Variants in UROS observed in about 807,000 individuals in gnomAD.
UROS encodes the protein uroporphyrinogen-III synthase.
UROS carries 18 observed loss-of-function variants against 33.0 expected under a neutral mutation model. That is an observed-to-expected ratio of 0.55 (90% CI 0.38 to 0.81). The LOEUF (loss-of-function observed/expected upper bound fraction) is 0.81, where lower values mean the gene tolerates loss of function less well. UROS is among the 30% of genes least tolerant of loss of function. UROS has a pLI of 0.00. For missense variants in UROS, 293 were observed against 314.9 expected (o/e 0.93, Z 0.53); for synonymous variants, 114 against 121.1 (o/e 0.94, Z 0.38).
intron 6 of UROS, chr10:125,802,134 C>T (rs2133867477): frequency 3.0e-6 from 3 of 985,446 alleles, no homozygotes; most frequent in Non-Finnish European, 3.6e-6. Flanking sequence ...GATGATGACT[C>T]TCTAGAAACA....
chr10:125,796,212 A>G (rs1346756227), intron 7 of UROS, 24 bp from the exon 8 acceptor site: 2 of 1,612,844 alleles, frequency 1.2e-6, no homozygotes, highest in Non-Finnish European at 8.5e-7. Flanking sequence ...AAAGCAGGAA[A>G]GACTTTACCG....
At position 125,788,752 on chromosome 10, in the gene UROS, G is replaced by C. The variant is rs1246025347; in HGVS notation, c.*116C>G. 6.8e-7 allele frequency: 1 copy of C among 1,464,388 alleles called. No individual in the cohort carries two copies. The highest frequency in any genetic ancestry group is 2.4e-5 in the Admixed American group (1 of 41,134). 90.7% of individuals were successfully genotyped at this position (1,464,388 alleles called of 1,614,324 possible). A position where few individuals can be genotyped will look rare whatever the true frequency, so the allele number is the denominator to read the frequency against. The stretch of plus-strand genomic sequence containing the variant: ...CCCGGTCCTCAGGTGCTTCCACTCA[G>C]GCTTGAGGCAGGAGTCTGACGGCAG... On this transcript the variant is annotated 3_prime_UTR_variant, in exon 10 of 10. Coordinates refer to ENST00000368797, the MANE Select transcript of UROS (RefSeq NM_000375.3).
At chr10:125,791,705 GAGTC>G (rs1395128860) in intron 9 of UROS, 1 of 152,148 alleles carries the variant, frequency 6.6e-6, no homozygotes, top group Admixed American at 6.5e-5. Context: ...CTAGTGAAAA[GAGTC>G]AGTTACAAAA....
intron 6 of UROS, among the ~76,000 whole-genome samples, chr10:125,805,355 C>T (rs1390151003): frequency 2.0e-5 from 3 of 152,166 alleles, no homozygotes; most frequent in East Asian, 1.9e-4. Context: ...GAGAGCAGGT[C>T]GGCATGGAGC....
chr10:125,813,806 T>G (rs1853039833), intron 4 of UROS, among the ~76,000 whole-genome samples: 1 of 152,240 alleles, frequency 6.6e-6, no homozygotes, highest in Non-Finnish European at 1.5e-5. Flanking sequence ...GTTCTCACGC[T>G]TTCTTTTCAA....
Position 125,816,505 on chromosome 10 carries a change from C to T in UROS, c.-6G>A. Reference sequence around the variant, plus strand: ...TTCAGTAAAAGAACCTTCATTATTGCCTGGCAGTCCTTATAGGGCACTGCG... The same window carrying T: ...TTCAGTAAAAGAACCTTCATTATTGTCTGGCAGTCCTTATAGGGCACTGCG... On this transcript the variant is annotated 5_prime_UTR_variant, in exon 2 of 10. Transcript: ENST00000368797. 3.1e-6 allele frequency: 5 copies of T among 1,614,152 alleles called. No homozygotes were observed. Among genetic ancestry groups the T allele is most frequent in the Non-Finnish European group, 4.2e-6 (5 of 1,180,026 alleles).
chr10:125,798,039 G>C, intron 7 of UROS, 26 bp downstream of exon 7: 1 of 1,612,962 alleles, frequency 6.2e-7, no homozygotes, highest in Non-Finnish European at 8.5e-7. Flanking sequence ...AAGTGGTAAG[G>C]GATGCAGTCA....
intron 5 of UROS, among the ~76,000 whole-genome samples, chr10:125,808,593 GC>G (rs1852537024): frequency 6.6e-6 from 1 of 152,210 alleles, no homozygotes; most frequent in African/African-American, 2.4e-5. Context: ...ACATAAATAT[GC>G]ATTTTTCCCA....
chr10:125,804,428 C>T (rs1050334364), intron 6 of UROS, among the ~76,000 whole-genome samples: 4 of 152,168 alleles, frequency 2.6e-5, no homozygotes, highest in Admixed American at 6.5e-5. Context: ...CTTGTTATCT[C>T]CTTTATAAAA....
intron 9 of UROS, among the ~76,000 whole-genome samples, chr10:125,791,250 C>T (rs1564771768): frequency 6.6e-6 from 1 of 152,112 alleles, no homozygotes. Context: ...ATGCTCAACA[C>T]TGTTAGTCAT....
intron 6 of UROS, among the ~76,000 whole-genome samples, chr10:125,803,934 A>G (rs1257030932): frequency 6.6e-6 from 1 of 152,250 alleles, no homozygotes; most frequent in Non-Finnish European, 1.5e-5. Flanking sequence ...ACTTTCCTGA[A>G]GACCTCTGCC....
intron 3 of UROS, among the ~76,000 whole-genome samples, 165 bp from the exon 4 acceptor site, chr10:125,815,295 CTATT>C (rs1853213377): frequency 6.6e-6 from 1 of 152,200 alleles, no homozygotes; most frequent in South Asian, 2.1e-4. Flanking sequence ...GTGCCTGGAA[CTATT>C]TATTCTAGGA....
At chr10:125,809,698 A>G (rs995907590) in intron 5 of UROS, among the ~76,000 whole-genome samples, 10 of 152,172 alleles carry the variant, frequency 6.6e-5, no homozygotes, top group African/African-American at 2.4e-4. Context: ...GACTTTCTGT[A>G]TAATGTTACA....
intron 6 of UROS, among the ~76,000 whole-genome samples, chr10:125,799,546 C>T (rs1486285366): frequency 1.3e-5 from 2 of 152,186 alleles, no homozygotes; most frequent in African/African-American, 4.8e-5. Flanking sequence ...GGAATCTTCC[C>T]TTGGCAGCAC....
At chr10:125,790,010 T>G (rs945317770) in intron 9 of UROS, among the ~76,000 whole-genome samples, 2 of 152,206 alleles carry the variant, frequency 1.3e-5, no homozygotes, top group African/African-American at 4.8e-5. Flanking sequence ...GCACTCCGCT[T>G]CATCCTCCCT....
Position 125,810,805 on chromosome 10 carries a change from A to G in UROS, c.319+1409T>C, listed in dbSNP as rs188283781. On this transcript the variant is annotated intron_variant, in intron 5 of 9. Coordinates refer to ENST00000368797, the MANE Select transcript of UROS (RefSeq NM_000375.3). ...TATTATATCTGAAAAGGTGAGCTAAAATAGAATGTTCAAAGTTGGGTGATT... is the reference window on the plus strand; with the variant it reads ...TATTATATCTGAAAAGGTGAGCTAAGATAGAATGTTCAAAGTTGGGTGATT... Among the ~76,000 whole-genome samples, 8 of 152,362 alleles carry G rather than the reference A, an allele frequency of 5.3e-5. No homozygotes were observed. The East Asian group carries it at 1.5e-3, about 29-fold the overall frequency.
intron 1 of UROS, among the ~76,000 whole-genome samples, chr10:125,817,350 G>C (rs1040633952): frequency 6.7e-6 from 1 of 149,518 alleles, no homozygotes; most frequent in African/African-American, 2.5e-5. Context: ...TTACAGGAGT[G>C]AGCCACTGCA....
chr10:125,797,364 T>C (rs1235013743), intron 7 of UROS, among the ~76,000 whole-genome samples: 4 of 152,200 alleles, frequency 2.6e-5, no homozygotes, highest in Non-Finnish European at 5.9e-5. Context: ...CAGATAACCA[T>C]ATTTCACAGA....
intron 7 of UROS, among the ~76,000 whole-genome samples, chr10:125,796,636 G>A (rs1038502960): frequency 2.0e-5 from 3 of 151,996 alleles, no homozygotes; most frequent in African/African-American, 7.3e-5. Flanking sequence ...ACATGGCCAC[G>A]CGTCCCCTCT....
Sources: gnomAD v4.1 joint callset for allele counts (sites outside exome capture counted in the v4.1 genomes callset) on GRCh38, gnomAD v4.1.1 for gene constraint, MANE v1.5 for transcripts, NCBI Gene and HGNC (gene_info 2026-07-23, HGNC 2026-07-21) for gene names.